Variants in EYS observed in about 807,000 individuals in gnomAD.
EYS encodes the protein EGF-like photoreceptor maintenance factor, also known as protein eyes shut homolog.
EYS carries 250 observed loss-of-function variants against 282.1 expected under a neutral mutation model. The observed-to-expected ratio is 0.89, with a 90% CI of 0.80 to 0.98. The LOEUF (loss-of-function observed/expected upper bound fraction) is 0.98. EYS is among the 50% of genes least tolerant of loss of function. The pLI, the probability that EYS is intolerant of heterozygous loss-of-function variation, is 0.00. For missense variants in EYS, 4,016 were observed against 3,709.0 expected (o/e 1.08, Z -2.15); for synonymous variants, 1,355 against 1,282.9 (o/e 1.06, Z -1.20).
intron 24 of EYS, among the ~76,000 whole-genome samples, chr6:64,616,044 C>A (rs1767263738): frequency 6.6e-6 from 1 of 152,128 alleles, no homozygotes; most frequent in East Asian, 1.9e-4. Flanking sequence ...AGGAGATTAA[C>A]TATTTCAGGA....
chr6:65,334,871 A>G (rs1769923731), intron 11 of EYS, 109 bp downstream of exon 11: 9 of 998,896 alleles, frequency 9.0e-6, no homozygotes, highest in South Asian at 5.5e-5. Flanking sequence ...GGAAATTCCA[A>G]TCATTTTAAT....
chr6:63,721,800 GCAA>G lies in EYS; in HGVS notation c.8234-6_8234-4del, dbSNP rs1206740424. On this transcript the variant is annotated splice_region_variant and splice_polypyrimidine_tract_variant and intron_variant, in intron 42 of 42. Coordinates refer to ENST00000503581, the MANE Select transcript of EYS (RefSeq NM_001142800.2). ...TAAAGAGATGCATAAAAAATCACCT[GCAA>G]GAAAGCAAACAGTAAGTTTGATTAG... 2 of 1,537,418 alleles carry G rather than the reference GCAA, an allele frequency of 1.3e-6. No homozygotes were observed. Among genetic ancestry groups the G allele is most frequent in the African/African-American group, 2.8e-5 (2 of 72,296 alleles).
intron 29 of EYS, among the ~76,000 whole-genome samples, chr6:64,382,300 T>C (rs1582677397): frequency 6.6e-6 from 1 of 152,192 alleles, no homozygotes; most frequent in Non-Finnish European, 1.5e-5. Context: ...ATTTAAATAC[T>C]ATAGCCTGAG....
chr6:65,635,333 A>G (rs897873451), intron 2 of EYS, among the ~76,000 whole-genome samples: 7 of 152,148 alleles, frequency 4.6e-5, no homozygotes, highest in African/African-American at 1.7e-4. Context: ...GTTTAAAACT[A>G]CCTTTGCAAA....
At chr6:65,696,187 C>T (rs1464911192) in intron 1 of EYS, among the ~76,000 whole-genome samples, 1 of 151,864 alleles carries the variant, frequency 6.6e-6, no homozygotes, top group Non-Finnish European at 1.5e-5. Flanking sequence ...GGTTCCTGAG[C>T]CAGTATGCCT....
intron 31 of EYS, among the ~76,000 whole-genome samples, chr6:64,141,604 C>G (rs547566869): frequency 6.6e-6 from 1 of 151,900 alleles, no homozygotes; most frequent in East Asian, 1.9e-4. Context: ...ATCTTTATTC[C>G]AAGTTGAAAT....
At chr6:63,777,978 C>T (rs1770107340) in intron 40 of EYS, 28 bp downstream of exon 40, 17 of 1,549,172 alleles carry the variant, frequency 1.1e-5, no homozygotes, top group Non-Finnish European at 1.5e-5. Flanking sequence ...CAACCTGCTA[C>T]TTTCATTCCT....
intron 31 of EYS, among the ~76,000 whole-genome samples, chr6:64,184,830 C>T (rs1291270989): frequency 6.6e-6 from 1 of 151,930 alleles, no homozygotes; most frequent in Admixed American, 6.6e-5. Context: ...GATTTATGTC[C>T]ATCAGTAAGT....
chr6:64,816,355 G>A (rs555274202), intron 21 of EYS, among the ~76,000 whole-genome samples: 12 of 152,108 alleles, frequency 7.9e-5, no homozygotes, highest in Admixed American at 2.0e-4. Flanking sequence ...CAAGCTGCAG[G>A]ATTGGGCAAT....
At chr6:64,226,299 A>G (rs1409111494) in intron 31 of EYS, among the ~76,000 whole-genome samples, 1 of 152,134 alleles carries the variant, frequency 6.6e-6, no homozygotes, top group Non-Finnish European at 1.5e-5. Context: ...CTACTTTTGT[A>G]ATTTCCTCAG....
chr6:63,954,866 C>G (rs1361664104), intron 35 of EYS, among the ~76,000 whole-genome samples: 1 of 152,162 alleles, frequency 6.6e-6, no homozygotes, highest in Non-Finnish European at 1.5e-5. Context: ...GCTAGCCCAA[C>G]TCTTAGAACC....
chr6:63,879,098 C>T (rs1291408634), intron 35 of EYS, among the ~76,000 whole-genome samples: 1 of 152,094 alleles, frequency 6.6e-6, no homozygotes, highest in Admixed American at 6.5e-5. Context: ...GGAACCTCCC[C>T]CTATTTCAGG....
chr6:65,590,668 T>C (rs1409207093), intron 2 of EYS, among the ~76,000 whole-genome samples: 1 of 152,054 alleles, frequency 6.6e-6, no homozygotes, highest in Non-Finnish European at 1.5e-5. Context: ...GCAACTATTC[T>C]ACTCTTTACT....
intron 11 of EYS, chr6:65,329,648 A>T (rs192273834): frequency 1.0e-6 from 1 of 981,542 alleles, no homozygotes; most frequent in Non-Finnish European, 1.2e-6. Context: ...GTATAGCCAA[A>T]ATAAATAAAT....
At chr6:64,028,193 T>C (rs141855798) in intron 33 of EYS, among the ~76,000 whole-genome samples, 2,498 of 149,976 alleles carry the variant, frequency 0.017, 47 homozygotes, top group African/African-American at 0.051. Context: ...AGGGAATCAA[T>C]CCTGAAGTCT....
At chr6:64,977,481 A>G (rs1181009849) in intron 14 of EYS, among the ~76,000 whole-genome samples, 1 of 151,846 alleles carries the variant, frequency 6.6e-6, no homozygotes, top group African/African-American at 2.4e-5. Flanking sequence ...ACATAACAAT[A>G]TTAAAATGAG....
intron 14 of EYS, among the ~76,000 whole-genome samples, chr6:64,981,420 C>G (rs980989997): frequency 6.6e-6 from 1 of 151,090 alleles, no homozygotes; most frequent in Non-Finnish European, 1.5e-5. Context: ...TGAACAAATT[C>G]ACTTTTGTTC....
intron 5 of EYS, among the ~76,000 whole-genome samples, chr6:65,486,966 C>T (rs1296143094): frequency 2.0e-5 from 3 of 152,072 alleles, no homozygotes; most frequent in Non-Finnish European, 2.9e-5. Context: ...CATGATTTGG[C>T]TCTCTGTTTG....
intron 18 of EYS, among the ~76,000 whole-genome samples, chr6:64,892,099 T>C (rs1767309311): frequency 6.6e-6 from 1 of 151,766 alleles, no homozygotes; most frequent in Admixed American, 6.6e-5. Context: ...GTAACTATAA[T>C]TTGCATAAAA....
Sources: gnomAD v4.1 joint callset for allele counts (sites outside exome capture counted in the v4.1 genomes callset) on GRCh38, gnomAD v4.1.1 for gene constraint, MANE v1.5 for transcripts, NCBI Gene and HGNC (gene_info 2026-07-23, HGNC 2026-07-21) for gene names.